Variants in GAB4 observed in about 807,000 individuals in gnomAD.
The protein encoded by GAB4 is GRB2-associated-binding protein 4.
Under a neutral mutation model 51.3 loss-of-function variants are expected in GAB4, and 26 were observed. That is an observed-to-expected ratio of 0.51 (90% confidence interval 0.37 to 0.70). The LOEUF (loss-of-function observed/expected upper bound fraction) is 0.70, where lower values mean the gene tolerates loss of function less well. Ranked by LOEUF, GAB4 falls within the 30% of genes least tolerant of loss-of-function variation. The probability of loss-of-function intolerance (pLI) is 0.00; values close to 1 mark genes in which losing one functional copy is unlikely to be tolerated. For missense variants in GAB4, 759 were observed against 734.6 expected, an observed-to-expected ratio of 1.03 and a Z score of -0.38; for synonymous variants, 329 against 291.2, an observed-to-expected ratio of 1.13 and a Z score of -1.32.
intron 1 of GAB4, among the ~76,000 whole-genome samples, chr22:17,003,482 C>A (rs1384975479): frequency 6.6e-6 from 1 of 152,060 alleles, no homozygotes; most frequent in East Asian, 1.9e-4. Flanking sequence ...TTAACAGTTT[C>A]TTAGACCCCA....
At chr22:17,001,199 G>A (rs1027159367) in intron 1 of GAB4, among the ~76,000 whole-genome samples, 5 of 152,180 alleles carry the variant, frequency 3.3e-5, no homozygotes, top group Admixed American at 3.3e-4. Flanking sequence ...TTGCTAGGTT[G>A]GGGAAATTCT....
At chr22:16,979,651 T>C (rs1424152775) in intron 3 of GAB4, among the ~76,000 whole-genome samples, 2 of 152,170 alleles carry the variant, frequency 1.3e-5, no homozygotes, top group African/African-American at 4.8e-5. Flanking sequence ...CTTCACAGAA[T>C]TAGAAAAATC....
chr22:16,962,926 G>C lies in GAB4; in HGVS notation c.1582-50C>G, dbSNP rs374940310. The C allele has an allele frequency of 2.6e-5, 40 of 1,566,834 alleles. No individual in the cohort carries two copies. The African/African-American group carries it at 3.9e-4, about 15-fold the overall frequency. On this transcript the variant is annotated intron_variant, in intron 9 of 9. Coordinates refer to ENST00000400588, the MANE Select transcript of GAB4 (RefSeq NM_001037814.1). ...GAGTGGCAGTGTCTGTGAGTTCCTG[G>C]TGAGGAAGGGCAGGCCAAGGAGTGG...
chr22:16,969,787 T>C, intron 4 of GAB4, 156 bp downstream of exon 4: 1 of 910,740 alleles, frequency 1.1e-6, no homozygotes, highest in Non-Finnish European at 1.7e-6. Context: ...GGCCCAGGAG[T>C]GGCCACCACC....
chr22:17,001,079 T>G (rs1178116051), intron 1 of GAB4, among the ~76,000 whole-genome samples: 2 of 152,202 alleles, frequency 1.3e-5, no homozygotes, highest in Admixed American at 6.5e-5. Context: ...ACATTTTTTC[T>G]TTCATTTCAA....
chr22:16,988,897 T>C (rs2060890961), intron 2 of GAB4, among the ~76,000 whole-genome samples: 1 of 152,188 alleles, frequency 6.6e-6, no homozygotes, highest in Non-Finnish European at 1.5e-5. Flanking sequence ...TCTGCCTGGA[T>C]TTCACTTCTA....
intron 3 of GAB4, among the ~76,000 whole-genome samples, chr22:16,980,033 G>C (rs36150986): frequency 2.4e-4 from 36 of 152,048 alleles, no homozygotes; most frequent in African/African-American, 8.7e-4. Flanking sequence ...AGACTTAAAC[G>C]TAAGACCTAA....
intron 3 of GAB4, among the ~76,000 whole-genome samples, chr22:16,973,736 C>CT (rs2060753573): frequency 6.6e-6 from 1 of 152,028 alleles, no homozygotes; most frequent in South Asian, 2.1e-4. Context: ...TGCACTCACT[C>CT]TGTCTGGTGT....
chr22:16,973,206 T>C (rs1305944478), intron 3 of GAB4, among the ~76,000 whole-genome samples: 2 of 152,186 alleles, frequency 1.3e-5, no homozygotes, highest in African/African-American at 4.8e-5. Flanking sequence ...TGAGTCACAC[T>C]CCATTGTTAT....
At chr22:16,970,405 G>A (rs373689539) in intron 3 of GAB4, among the ~76,000 whole-genome samples, 4 of 152,248 alleles carry the variant, frequency 2.6e-5, no homozygotes, top group African/African-American at 9.6e-5. Flanking sequence ...TTCTCCATCT[G>A]TAAAATGGTG....
intron 1 of GAB4, among the ~76,000 whole-genome samples, chr22:16,996,110 A>G (rs1426579690): frequency 6.6e-6 from 1 of 151,970 alleles, no homozygotes; most frequent in African/African-American, 2.4e-5. Context: ...AGAGAAGAAC[A>G]TAAATGACTT....
At position 17,005,500 on chromosome 22, in the gene GAB4, A is replaced by G. The variant is rs541413747; in HGVS notation, c.174+2441T>C. ...TTTCTTCACAGAATTAGAAAAATCC[A>G]CTTTAAATTTCACATGTAACCAAAA... On this transcript the variant is annotated intron_variant, in intron 1 of 9. Transcript: ENST00000400588. Among the ~76,000 whole-genome samples, 51 of 152,332 alleles carry G rather than the reference A, an allele frequency of 3.3e-4. 1 individual carries two copies. The South Asian group carries it at 8.7e-3, about 26-fold the overall frequency.
In GAB4 at chr22:16,987,960, C is replaced by T; in HGVS notation, c.686G>A (p.Arg229Lys). 1.3e-6 allele frequency: 2 copies of T among 1,595,226 alleles called. No homozygotes were observed. Among genetic ancestry groups the T allele is most frequent in the Admixed American group, 1.8e-5 (1 of 56,290 alleles). ...CCCACTGGCCATAGTAGCCCCCTAC[C>T]TTGCATGTTCTGCTCTCTGGCTGGC... ...QHASQRAEHA[R>K]SASFSQGSEA... is the part of the protein sequence containing the mutation. Residue 229 changes from arginine (R) to lysine (K), a missense_variant and splice_region_variant, in exon 3 of 10, where the codon AGG (arginine) becomes AAG (lysine). Arg to Lys is a conservative substitution (Grantham distance 26, BLOSUM62 2). Transcript: ENST00000400588.
chr22:16,991,011 A>G (rs1318965833), intron 2 of GAB4, among the ~76,000 whole-genome samples: 1 of 152,142 alleles, frequency 6.6e-6, no homozygotes, highest in Non-Finnish European at 1.5e-5. Flanking sequence ...AAAAAATAGG[A>G]ATATAAAATA....
At chr22:16,966,431 T>C (rs561844973) in intron 5 of GAB4, 67 bp from the exon 6 acceptor site, 3 of 1,499,218 alleles carry the variant, frequency 2.0e-6, no homozygotes, top group Admixed American at 1.9e-5. Flanking sequence ...TGAGAATTTC[T>C]AGACAAGGCC....
At chr22:17,007,841 G>A (rs1181219623) in intron 1 of GAB4, 100 bp downstream of exon 1, 5 of 1,136,150 alleles carry the variant, frequency 4.4e-6, no homozygotes, top group South Asian at 1.7e-5. Flanking sequence ...GCCTCCACCC[G>A]CAGCTCCTCC....
In GAB4 at chr22:16,982,286, A is replaced by T. The variant is rs181704325; in HGVS notation, c.686+5674T>A. On this transcript the variant is annotated intron_variant, in intron 3 of 9. Transcript: ENST00000400588. ...AATCTTATATTTAGGAAAACTTAAA[A>T]ATGCCAAAAGGCTGTTGGAACAGAT... Among the ~76,000 whole-genome samples the T allele has an allele frequency of 4.3e-4, 66 of 152,280 alleles. No homozygotes were observed. In the East Asian group the frequency reaches 9.4e-3, roughly 22 times the overall value.
At chr22:16,979,775 C>T (rs1390323251) in intron 3 of GAB4, among the ~76,000 whole-genome samples, 1 of 152,138 alleles carries the variant, frequency 6.6e-6, no homozygotes, top group Non-Finnish European at 1.5e-5. Flanking sequence ...TACTATGAGG[C>T]TACAGGCACC....
chr22:17,005,662 T>C (rs1296528639), intron 1 of GAB4, among the ~76,000 whole-genome samples: 3 of 152,150 alleles, frequency 2.0e-5, no homozygotes, highest in African/African-American at 7.2e-5. Flanking sequence ...TATAGACCAA[T>C]GGAGCAGAAC....
Sources: allele counts gnomAD v4.1 joint callset (sites outside exome capture counted in the v4.1 genomes callset), GRCh38; gene constraint gnomAD v4.1.1; transcripts MANE v1.5; gene names NCBI Gene and HGNC (gene_info 2026-07-23, HGNC 2026-07-21).